The following SAV1 variants were observed in gnomAD, a reference collection of about 807,000 sequenced individuals.
The protein encoded by SAV1 is salvador family WW domain containing protein 1.
Under a neutral mutation model 47.3 loss-of-function variants are expected in SAV1, and 23 were observed. That is an observed-to-expected ratio of 0.49 (90% CI 0.35 to 0.69). The LOEUF (loss-of-function observed/expected upper bound fraction) is 0.69, where lower values mean the gene tolerates loss of function less well. Among genes scored for constraint, SAV1 ranks in the 30% least tolerant of loss-of-function variants. The probability of loss-of-function intolerance (pLI) is 0.01; values close to 1 mark genes in which losing one functional copy is unlikely to be tolerated. For missense variants in SAV1, 448 were observed against 457.4 expected, an observed-to-expected ratio of 0.98 and a Z score of 0.19; for synonymous variants, 155 against 159.2, an observed-to-expected ratio of 0.97 and a Z score of 0.20.
intron 2 of SAV1, among the ~76,000 whole-genome samples, chr14:50,646,653 C>G (rs985179246): frequency 6.8e-6 from 1 of 147,552 alleles, no homozygotes; most frequent in African/African-American, 2.5e-5. Flanking sequence ...CCATTACACT[C>G]CATCCTGGGC....
At chr14:50,667,645 G>C (rs1236838815) in intron 1 of SAV1, 1 of 537,606 alleles carries the variant, frequency 1.9e-6, no homozygotes, top group Admixed American at 3.3e-5. Flanking sequence ...GTTATTTTTA[G>C]GGGGTGCTCT....
At position 50,640,873 on chromosome 14, in the gene SAV1, G is replaced by T; in HGVS notation, c.827C>A (p.Pro276Gln). Residue 276 changes from proline (P) to glutamine (Q), a missense_variant, in exon 4 of 5, where the codon CCA becomes CAA. Physicochemically the swap from Pro to Gln is moderately conservative, Grantham distance 76 (BLOSUM62 -1). Coordinates refer to ENST00000324679, the MANE Select transcript of SAV1 (RefSeq NM_021818.4). The part of the protein sequence containing the change: ...CAPSVPRYDQ[P>Q]PPVTYQPQQT... ...CTGTGGCTGGTATGTGACAGGAGGT[G>T]GTTGATCATACCGAGGTACACTAAG... 1 of 1,612,322 alleles carries T rather than the reference G, an allele frequency of 6.2e-7. No homozygotes were observed. Among genetic ancestry groups the T allele is most frequent in the Non-Finnish European group, 8.5e-7 (1 of 1,179,034 alleles).
At chr14:50,643,994 C>T (rs2039700899) in intron 3 of SAV1, among the ~76,000 whole-genome samples, 1 of 152,228 alleles carries the variant, frequency 6.6e-6, no homozygotes, top group Non-Finnish European at 1.5e-5. Flanking sequence ...TCTTGTGGCT[C>T]AGCTTTTGAA....
chr14:50,638,161 C>G (rs1223470672), intron 4 of SAV1, among the ~76,000 whole-genome samples: 1 of 152,160 alleles, frequency 6.6e-6, no homozygotes, highest in Non-Finnish European at 1.5e-5. Context: ...TCCTCTGTTG[C>G]TTCTACATAG....
chr14:50,637,663 A>ATTTTTTTTTTTTTTTTTTTTTTTTTT (rs771403561), intron 4 of SAV1: 2 of 128,768 alleles, frequency 1.6e-5, no homozygotes, highest in African/African-American at 3.4e-5. Flanking sequence ...CAATTTTGTC[A>ATTTTTTTTTTTTTTTTTTTTTTTTTT]GTTTTTTTTT....
intron 2 of SAV1, among the ~76,000 whole-genome samples, chr14:50,659,183 G>A (rs1368345546): frequency 1.3e-5 from 2 of 151,406 alleles, no homozygotes; most frequent in African/African-American, 4.9e-5. Flanking sequence ...AAGAGCCTGG[G>A]ATGAGACTTC....
At chr14:50,657,492 G>T (rs1235487679) in intron 2 of SAV1, among the ~76,000 whole-genome samples, 1 of 152,126 alleles carries the variant, frequency 6.6e-6, no homozygotes, top group African/African-American at 2.4e-5. Flanking sequence ...AGTGGTATAA[G>T]GTCAAATGCA....
At chr14:50,645,534 C>T (rs2140252048) in intron 2 of SAV1, among the ~76,000 whole-genome samples, 1 of 151,366 alleles carries the variant, frequency 6.6e-6, no homozygotes, top group East Asian at 1.9e-4. Flanking sequence ...GATCTCTTCC[C>T]AAGATATCTT....
rs2039920120 is a variant in SAV1 at position 50,668,052 on chromosome 14, C to CCGG, written c.-88_-86dup. 1.0e-6 allele frequency: 1 copy of CCGG among 968,554 alleles called. No homozygotes were observed. Among genetic ancestry groups the CCGG allele is most frequent in the South Asian group, 2.9e-5 (1 of 34,080 alleles). The allele number at this position is 968,554 out of a possible 1,614,324, so 60.0% of individuals were successfully genotyped here. On this transcript the variant is annotated 5_prime_UTR_variant, in exon 1 of 5. Coordinates refer to ENST00000324679, the MANE Select transcript of SAV1 (RefSeq NM_021818.4). ...CCGGCCGTCTCCGCCGCCACCTCCG[C>CCGG]CGGCGCCGCCGCCTCCTTCCCTCCC...
intron 2 of SAV1, among the ~76,000 whole-genome samples, chr14:50,661,735 G>C (rs2039861906): frequency 6.6e-6 from 1 of 152,140 alleles, no homozygotes; most frequent in South Asian, 2.1e-4. Flanking sequence ...AAAAAAATCA[G>C]TTGGCTGTAA....
intron 2 of SAV1, 48 bp from the exon 3 acceptor site, chr14:50,645,062 ATGC>A: frequency 1.3e-6 from 2 of 1,527,488 alleles, no homozygotes; most frequent in South Asian, 1.2e-5. Context: ...CAATTATTCA[ATGC>A]AAAAAATGTG....
At chr14:50,659,132 C>T (rs1318594851) in intron 2 of SAV1, among the ~76,000 whole-genome samples, 2 of 141,540 alleles carry the variant, frequency 1.4e-5, no homozygotes, top group Admixed American at 7.3e-5. Context: ...GATTCTTCAA[C>T]TACCTGCAAC....
At chr14:50,638,831 A>G (rs7158764) in intron 4 of SAV1, among the ~76,000 whole-genome samples, 14,128 of 152,192 alleles carry the variant, frequency 0.093, 1,092 homozygotes, top group African/African-American at 0.21. Flanking sequence ...GCAATGGCGC[A>G]ATCTTGGCTC....
Position 50,644,819 on chromosome 14 carries a change from T to C in SAV1, c.731A>G (p.Glu244Gly). ...EGLPPGWERV[E>G]SSEFGTYYVD... Reference sequence around the variant, plus strand: ...ATAATAGGTTCCAAATTCGGATGACTCAACTCGTTCCCATCCAGGAGGAAG... The same window carrying C: ...ATAATAGGTTCCAAATTCGGATGACCCAACTCGTTCCCATCCAGGAGGAAG... Residue 244 changes from glutamate (E) to glycine (G), a missense_variant, in exon 3 of 5, where the codon GAG becomes GGG. Physicochemically the swap from Glu to Gly is moderately conservative, Grantham distance 98 (BLOSUM62 -2). Transcript: ENST00000324679. 6.2e-7 allele frequency: 1 copy of C among 1,614,118 alleles called. No homozygotes were observed. Among genetic ancestry groups the C allele is most frequent in the Non-Finnish European group, 8.5e-7 (1 of 1,179,990 alleles).
At chr14:50,635,951 C>T (rs1595632095) in intron 4 of SAV1, among the ~76,000 whole-genome samples, 2 of 152,284 alleles carry the variant, frequency 1.3e-5, no homozygotes, top group East Asian at 3.9e-4. Flanking sequence ...TCGTTATTCG[C>T]CCACCTCAGC....
At chr14:50,638,839 C>T (rs1391326414) in intron 4 of SAV1, among the ~76,000 whole-genome samples, 1 of 152,064 alleles carries the variant, frequency 6.6e-6, no homozygotes, top group Non-Finnish European at 1.5e-5. Context: ...GCAATCTTGG[C>T]TCACTGCAAC....
rs2039624571 is a variant in SAV1, at chr14:50,635,242, A to T, written c.1093T>A (p.Leu365Met). The T allele has an allele frequency of 6.2e-7, 1 of 1,613,990 alleles. No individual in the cohort carries two copies. Among genetic ancestry groups the T allele is most frequent in the South Asian group, 1.1e-5 (1 of 91,078 alleles). The change falls in exon 5 of 5, where the codon TTG (leucine) becomes ATG (methionine). Residue 365 changes from leucine (L) to methionine (M), a missense_variant. Transcript: ENST00000324679. ...TGCTGTCTCTGCTTTCGGTTTTCCA[A>T]CTCTGTAAGAAGGGCTTGTCTGTAT... is the stretch of plus-strand genomic sequence containing the variant. ...EAYRQALLTE[L>M]ENRKQRQQWY... is the part of the protein sequence containing the mutation.
At chr14:50,643,923 T>C (rs1045579877) in intron 3 of SAV1, among the ~76,000 whole-genome samples, 12 of 152,330 alleles carry the variant, frequency 7.9e-5, no homozygotes, top group African/African-American at 2.6e-4. Context: ...AAAACTGTAT[T>C]ATGCCAGATG....
intron 3 of SAV1, among the ~76,000 whole-genome samples, chr14:50,641,585 G>C (rs1323234762): frequency 6.6e-6 from 1 of 152,070 alleles, no homozygotes; most frequent in Non-Finnish European, 1.5e-5. Flanking sequence ...GTGTATATGT[G>C]GCCAACAAGC....
Sources: gnomAD v4.1 joint callset for allele counts (sites outside exome capture counted in the v4.1 genomes callset) on GRCh38, gnomAD v4.1.1 for gene constraint, MANE v1.5 for transcripts, NCBI Gene and HGNC (gene_info 2026-07-23, HGNC 2026-07-21) for gene names.